Variants in ATAD2 observed in about 807,000 individuals in gnomAD.
The protein encoded by ATAD2 is ATPase family AAA domain containing 2, also known as ATPase family AAA domain-containing protein 2.
ATAD2 carries 62 observed loss-of-function variants against 168.9 expected under a neutral mutation model. The ratio of observed to expected loss-of-function variants is 0.37; its 90% confidence interval spans 0.30 to 0.45. ATAD2 has a LOEUF of 0.45. ATAD2 is among the 20% of genes least tolerant of loss of function. ATAD2 has a pLI of 1.00. For missense variants in ATAD2, 1,419 were observed against 1,667.8 expected (o/e 0.85, Z 2.60); for synonymous variants, 613 against 571.6 (o/e 1.07, Z -1.03).
At chr8:123,392,778 T>A (rs1812643794) in intron 1 of ATAD2, among the ~76,000 whole-genome samples, 1 of 152,100 alleles carries the variant, frequency 6.6e-6, no homozygotes, top group Non-Finnish European at 1.5e-5. Context: ...GAAAAAGATG[T>A]CATTATAAAG....
chr8:123,357,206 T>G (rs1828675516), intron 12 of ATAD2, among the ~76,000 whole-genome samples: 1 of 152,144 alleles, frequency 6.6e-6, no homozygotes, highest in African/African-American at 2.4e-5. Context: ...GTCAATACAA[T>G]CTGGGATATG....
At chr8:123,385,423 C>T (rs1358162738) in intron 1 of ATAD2, among the ~76,000 whole-genome samples, 2 of 152,112 alleles carry the variant, frequency 1.3e-5, no homozygotes, top group Admixed American at 6.6e-5. Context: ...CAGGTAAAGT[C>T]TGACATAATA....
chr8:123,382,999 A>G (rs548417884), intron 1 of ATAD2, among the ~76,000 whole-genome samples: 1 of 152,364 alleles, frequency 6.6e-6, no homozygotes, highest in Non-Finnish European at 1.5e-5. Context: ...TATATACCAT[A>G]GAAATACTAT....
At chr8:123,329,111 A>G (rs977437152) in intron 24 of ATAD2, among the ~76,000 whole-genome samples, 1 of 152,040 alleles carries the variant, frequency 6.6e-6, no homozygotes, top group Non-Finnish European at 1.5e-5. Context: ...TATCTTGAAT[A>G]CTTTTAATCT....
chr8:123,384,821 C>T (rs1829600969), intron 1 of ATAD2, among the ~76,000 whole-genome samples: 1 of 152,186 alleles, frequency 6.6e-6, no homozygotes, highest in African/African-American at 2.4e-5. Context: ...TAAGTTTTAT[C>T]ATTTCAAATC....
chr8:123,400,755 G>A (rs1563871192), upstream of ATAD2: 8 of 781,546 alleles, frequency 1.0e-5, no homozygotes, highest in African/African-American at 5.1e-5. The surrounding 1 kb of genome is among the most constrained non-coding windows in gnomAD (Gnocchi z 4.5). Context: ...GGAAGATCAC[G>A]CTGAAGACGC....
chr8:123,342,192 T>C (rs779810869), intron 19 of ATAD2, among the ~76,000 whole-genome samples: 3 of 152,228 alleles, frequency 2.0e-5, no homozygotes, highest in Non-Finnish European at 2.9e-5. Context: ...AACTTGCCAA[T>C]GTAATCAACC....
intron 9 of ATAD2, 29 bp downstream of exon 9, chr8:123,361,510 G>A (rs760310832): frequency 2.7e-5 from 42 of 1,548,440 alleles, no homozygotes; most frequent in Middle Eastern, 1.7e-4. Context: ...GTGTCTGCTA[G>A]TTTAAAAAGG....
intron 26 of ATAD2, among the ~76,000 whole-genome samples, chr8:123,325,243 C>A (rs1019459540): frequency 6.6e-6 from 1 of 150,770 alleles, no homozygotes; most frequent in African/African-American, 2.4e-5. Flanking sequence ...AATACAGGTG[C>A]CCACCACCAC....
At chr8:123,400,784 T>C (rs1282696946), upstream of ATAD2, 4 of 864,128 alleles carry the variant, frequency 4.6e-6, no homozygotes, top group East Asian at 2.4e-5. This position sits in a 1 kb window ranked among gnomAD's most constrained non-coding sequence, Gnocchi z 4.5. Context: ...TCCTCCTCCA[T>C]GGACACTGTG....
At chr8:123,397,239 TCAAAAAAAAA>T (rs1803703072), upstream of ATAD2, among the ~76,000 whole-genome samples, 1 of 79,626 alleles carries the variant, frequency 1.3e-5, no homozygotes, top group Non-Finnish European at 2.4e-5. Context: ...AGACTCTGTC[TCAAAAAAAAA>T]AAAAAAAAAA....
At chr8:123,405,667 C>G (rs529999785) in intron 1 of ATAD2, among the ~76,000 whole-genome samples, 1 of 152,352 alleles carries the variant, frequency 6.6e-6, no homozygotes, top group African/African-American at 2.4e-5. Flanking sequence ...ACTGTACACT[C>G]TGTTCTGTAC....
intron 19 of ATAD2, chr8:123,344,570 A>G (rs1426644994): frequency 3.6e-6 from 1 of 275,108 alleles, no homozygotes; most frequent in African/African-American, 2.2e-5. Context: ...GATGGTCTCA[A>G]TCTCCTGACC....
chr8:123,389,619 G>A (rs1430150326), intron 1 of ATAD2, among the ~76,000 whole-genome samples: 4 of 151,140 alleles, frequency 2.6e-5, no homozygotes, highest in African/African-American at 4.9e-5. Flanking sequence ...CAGCCTGGGC[G>A]ACAGAGCAAG....
intron 19 of ATAD2, among the ~76,000 whole-genome samples, chr8:123,341,583 A>G (rs1015357028): frequency 6.6e-6 from 1 of 152,332 alleles, no homozygotes; most frequent in Non-Finnish European, 1.5e-5. Flanking sequence ...GAGTGACAAG[A>G]ATTTTGAAGA....
chr8:123,396,915 G>T (rs1812874998), upstream of ATAD2, among the ~76,000 whole-genome samples: 1 of 151,738 alleles, frequency 6.6e-6, no homozygotes, highest in Non-Finnish European at 1.5e-5. Context: ...GACAGGTTTT[G>T]ACTTTGAGCC....
rs760609188 is a variant in ATAD2 at position 123,345,052 on chromosome 8, C to G, written c.2550G>C (p.Lys850Asn). The G allele has an allele frequency of 1.2e-6, 2 of 1,607,958 alleles. No individual in the cohort carries two copies. Among genetic ancestry groups the G allele is most frequent in the Admixed American group, 1.7e-5 (1 of 59,676 alleles). The change falls in exon 19 of 28, where the codon AAG becomes AAC. Residue 850 changes from lysine to asparagine, a missense_variant. This residue lies in a region of ATAD2 where 545 missense variants were observed against 724.9 expected (regional missense o/e 0.75). Transcript: ENST00000287394. ...ETCAQVIREA[K>N]RTAPSIVYVP... ...CATACACTATACTTGGTGCTGTTCT[C>G]TTAGCTTCACGAATCACCTAGTAGA... is the stretch of plus-strand genomic sequence containing the variant.
chr8:123,360,453 T>C (rs1828780402), intron 9 of ATAD2, among the ~76,000 whole-genome samples: 2 of 152,206 alleles, frequency 1.3e-5, no homozygotes, highest in South Asian at 2.1e-4. Context: ...GCTATTCTCC[T>C]GCCTCAGCCT....
chr8:123,343,110 G>A (rs961400845), intron 19 of ATAD2, among the ~76,000 whole-genome samples: 4 of 151,316 alleles, frequency 2.6e-5, no homozygotes, highest in African/African-American at 9.7e-5. Context: ...TCAGCCTCCC[G>A]AGTAACTGGG....
Sources: allele counts gnomAD v4.1 joint callset (sites outside exome capture counted in the v4.1 genomes callset), GRCh38; gene constraint gnomAD v4.1.1; regional missense constraint gnomAD v4.1.1; non-coding constraint Gnocchi (gnomAD v3.1); transcripts MANE v1.5; gene names NCBI Gene and HGNC (gene_info 2026-07-23, HGNC 2026-07-21).